The following LONP2 variants were observed in gnomAD, a reference collection of about 807,000 sequenced individuals.
LONP2 encodes the protein lon protease homolog 2, peroxisomal.
Under a neutral mutation model 85.6 loss-of-function variants are expected in LONP2, and 60 were observed. The ratio of observed to expected loss-of-function variants is 0.70; its 90% CI spans 0.57 to 0.87. The LOEUF (loss-of-function observed/expected upper bound fraction) is 0.87, where lower values mean the gene tolerates loss of function less well. Ranked by LOEUF, LONP2 falls within the 40% of genes least tolerant of loss-of-function variation. The pLI is 0.00. For synonymous variants in LONP2, 395 were observed against 389.7 expected (o/e 1.01, Z -0.16); for missense variants, 860 against 1,063.5 (o/e 0.81, Z 2.66).
At chr16:48,319,161 C>T (rs1268113705) in intron 11 of LONP2, among the ~76,000 whole-genome samples, 3 of 152,106 alleles carry the variant, frequency 2.0e-5, no homozygotes, top group Non-Finnish European at 4.4e-5. Flanking sequence ...AGGCAGATCA[C>T]TTGAGGCCAG....
At chr16:48,336,413 A>G (rs909040826) in intron 12 of LONP2, 12 of 456,166 alleles carry the variant, frequency 2.6e-5, no homozygotes, top group Non-Finnish European at 4.8e-5. Flanking sequence ...AGAATGGAAG[A>G]TGTGGTGTGT....
intron 3 of LONP2, among the ~76,000 whole-genome samples, chr16:48,257,678 C>T (rs1006419258): frequency 1.5e-4 from 23 of 152,198 alleles, no homozygotes; most frequent in African/African-American, 5.3e-4. Flanking sequence ...TGAAACAGCT[C>T]TTTCATATGT....
intron 11 of LONP2, among the ~76,000 whole-genome samples, chr16:48,319,834 T>C (rs1973224137): frequency 6.6e-6 from 1 of 152,198 alleles, no homozygotes; most frequent in Admixed American, 6.5e-5. Context: ...TCTTGAAGGC[T>C]AGCTGACACA....
intron 11 of LONP2, among the ~76,000 whole-genome samples, chr16:48,324,502 T>C (rs1012564214): frequency 5.3e-5 from 8 of 152,226 alleles, no homozygotes; most frequent in Admixed American, 6.5e-5. Flanking sequence ...AAAATTTTAA[T>C]CATTCAAAAA....
Position 48,296,140 on chromosome 16 carries a change from C to A in LONP2, c.1509C>A (p.Asp503Glu). 6.2e-7 allele frequency: 1 copy of A among 1,614,114 alleles called. No homozygotes were observed. The highest frequency in any genetic ancestry group is 8.5e-7 in the Non-Finnish European group (1 of 1,180,014). ...CTACCATTCCAGCTGCCTTGTTGGA[C>A]AGAATGGAGATCATTCAGGTTCCAG... The part of the protein sequence containing the change: ...TTATIPAALL[D>E]RMEIIQVPGY... Residue 503 changes from aspartate to glutamate, a missense_variant, in exon 9 of 15, where the codon GAC becomes GAA. Coordinates refer to ENST00000285737, the MANE Select transcript of LONP2 (RefSeq NM_031490.5).
chr16:48,256,668 A>T lies in LONP2; in HGVS notation c.527A>T (p.Asp176Val). 6.2e-7 allele frequency: 1 copy of T among 1,613,834 alleles called. No individual in the cohort carries two copies. The highest frequency in any genetic ancestry group is 1.1e-5 in the South Asian group (1 of 91,082). The part of the protein sequence containing the change: ...PAVAKLRRLL[D>V]SLPREALPDI... ...GTTGCTAAATTGAGACGTCTTTTAG[A>T]TAGTCTTCCAAGGGAAGCTTTACCA... The change falls in exon 3 of 15, where the codon GAT (aspartate) becomes GTT (valine). Residue 176 changes from aspartate to valine, a missense_variant. Around this residue, in one of 3 missense-constraint regions of LONP2, gnomAD observed 743 missense variants for 917.3 expected, o/e 0.81. Transcript: ENST00000285737.
intron 8 of LONP2, among the ~76,000 whole-genome samples, chr16:48,290,342 T>C (rs1316316795): frequency 6.6e-6 from 1 of 152,156 alleles, no homozygotes; most frequent in Non-Finnish European, 1.5e-5. Context: ...CACGGGTTTT[T>C]TCTCCATATG....
intron 6 of LONP2, among the ~76,000 whole-genome samples, chr16:48,268,868 T>C (rs1265935341): frequency 6.6e-6 from 1 of 152,160 alleles, no homozygotes; most frequent in Non-Finnish European, 1.5e-5. Flanking sequence ...GCCATTTTTT[T>C]CCTTTATGAA....
At chr16:48,247,276 G>A (rs191245595) in intron 1 of LONP2, 22 of 151,114 alleles carry the variant, frequency 1.5e-4, no homozygotes, top group East Asian at 9.8e-4. Context: ...CATAGCATTA[G>A]CCTGTTTCCA....
In LONP2 at chr16:48,244,431, C is replaced by T. The variant is rs1288244609; in HGVS notation, c.43C>T (p.Leu15=). The change falls in exon 1 of 15, where the codon CTG becomes TTG. Residue 15 remains leucine (L), a synonymous_variant. Coordinates refer to ENST00000285737, the MANE Select transcript of LONP2 (RefSeq NM_031490.5). The part of the protein sequence containing the change: ...SPIQIPSRLP[L]LLTHEGVLLP... ...CATCCAGATCCCCAGTCGCCTCCCG[C>T]TGCTGCTCACCCACGAGGGCGTCCT... is the stretch of plus-strand genomic sequence containing the variant. 6.3e-7 allele frequency: 1 copy of T among 1,590,012 alleles called. No homozygotes were observed. The highest frequency in any genetic ancestry group is 1.7e-5 in the Admixed American group (1 of 57,714).
intron 6 of LONP2, among the ~76,000 whole-genome samples, chr16:48,265,110 A>T (rs959447573): frequency 4.6e-5 from 7 of 152,102 alleles, no homozygotes; most frequent in Admixed American, 2.0e-4. Flanking sequence ...TGTATTTTGG[A>T]TATTAACCCC....
chr16:48,348,443 A>T (rs1960038401), intron 14 of LONP2, among the ~76,000 whole-genome samples, 153 bp downstream of exon 14: 2 of 149,652 alleles, frequency 1.3e-5, no homozygotes, highest in Admixed American at 6.7e-5. Flanking sequence ...ATATTTTAAA[A>T]TTTTGATCAA....
At chr16:48,284,801 G>A (rs1358200686) in intron 8 of LONP2, among the ~76,000 whole-genome samples, 1 of 152,142 alleles carries the variant, frequency 6.6e-6, no homozygotes, top group Admixed American at 6.5e-5. Context: ...TTGAGGAGGG[G>A]TTGCAAATTT....
intron 7 of LONP2, among the ~76,000 whole-genome samples, chr16:48,271,864 T>C (rs1274511717): frequency 6.6e-6 from 1 of 152,244 alleles, no homozygotes; most frequent in East Asian, 1.9e-4. Flanking sequence ...AGACTTCTTA[T>C]TCTTGCATGT....
At chr16:48,311,297 TTCCAATG>T (rs1973026106) in intron 11 of LONP2, among the ~76,000 whole-genome samples, 1 of 152,092 alleles carries the variant, frequency 6.6e-6, no homozygotes, top group African/African-American at 2.4e-5. Context: ...GATTCATAGG[TTCCAATG>T]TCTTATGTAA....
rs1416297571 is a variant in LONP2 at position 48,351,802 on chromosome 16, G to C, written c.2559G>C (p.Ter853TyrextTer7). ...CTGGTCTGTTAAATAGCAAACTGTA[G>C]GTCCAAATCTCAATTTTTTAGAATT... Reference protein sequence around the residue: ...TRPGLLNSKL* With the variant: ...TRPGLLNSKLY Residue 853 changes from the stop codon to tyrosine (Y), a stop_lost, in exon 15 of 15, where the codon TAG (stop) becomes TAC (tyrosine). Coordinates refer to ENST00000285737, the MANE Select transcript of LONP2 (RefSeq NM_031490.5). The C allele has an allele frequency of 3.1e-6, 5 of 1,611,904 alleles. No homozygotes were observed.
intron 8 of LONP2, among the ~76,000 whole-genome samples, chr16:48,285,055 T>G (rs1432152531): frequency 6.6e-6 from 1 of 152,122 alleles, no homozygotes; most frequent in African/African-American, 2.4e-5. Context: ...ATATTCTCAG[T>G]TTTTGTTTTT....
chr16:48,320,644 T>C (rs930492006), intron 11 of LONP2, among the ~76,000 whole-genome samples: 6 of 152,086 alleles, frequency 3.9e-5, no homozygotes, highest in Non-Finnish European at 8.8e-5. Flanking sequence ...TGGTCTAACG[T>C]TGAGGTGAAA....
At chr16:48,270,411 A>T in intron 7 of LONP2, 137 bp downstream of exon 7, 1 of 963,748 alleles carries the variant, frequency 1.0e-6, no homozygotes, top group African/African-American at 1.6e-5. Context: ...AAGGACATTT[A>T]CAAGAAGTAT....
Sources: allele counts gnomAD v4.1 joint callset (sites outside exome capture counted in the v4.1 genomes callset), GRCh38; gene constraint gnomAD v4.1.1; regional missense constraint gnomAD v4.1.1; transcripts MANE v1.5; gene names NCBI Gene and HGNC (gene_info 2026-07-23, HGNC 2026-07-21).